MED24: variants seen among roughly 807,000 people sequenced by gnomAD.
MED24 encodes mediator complex subunit 24, also known as mediator of RNA polymerase II transcription subunit 24.
In MED24, 74 loss-of-function variants were observed where a neutral mutation model predicts 118.8. That is an observed-to-expected ratio of 0.62 (90% CI 0.52 to 0.76). The LOEUF is 0.76. MED24 is among the 30% of genes least tolerant of loss of function. The pLI is 0.00. For synonymous variants in MED24, 521 were observed against 523.9 expected, an observed-to-expected ratio of 0.99 and a Z score of 0.08; for missense variants, 1,041 against 1,278.9, an observed-to-expected ratio of 0.81 and a Z score of 2.84.
intron 3 of MED24, 62 bp downstream of exon 3, chr17:40,053,236 G>A: frequency 6.8e-7 from 1 of 1,462,424 alleles, no homozygotes; most frequent in Non-Finnish European, 9.3e-7. Context: ...GGGCCCAAAT[G>A]CACTCCAAGT....
At chr17:40,047,841 T>C (rs1322787536) in intron 3 of MED24, among the ~76,000 whole-genome samples, 1 of 152,016 alleles carries the variant, frequency 6.6e-6, no homozygotes, top group Non-Finnish European at 1.5e-5. Context: ...GCAATTCTCC[T>C]GCTTCAGCCT....
At chr17:40,031,925 T>C in intron 10 of MED24, 118 bp downstream of exon 10, 1 of 1,173,256 alleles carries the variant, frequency 8.5e-7, no homozygotes, top group Admixed American at 2.2e-5. Flanking sequence ...CACGCTGAGG[T>C]GTACACTCAC....
intron 3 of MED24, among the ~76,000 whole-genome samples, chr17:40,046,091 T>C (rs1985153399): frequency 7.1e-6 from 1 of 140,964 alleles, no homozygotes. Flanking sequence ...AAAAAAATTT[T>C]TTTTTTTTTT....
rs1982077836 is a variant in MED24 at position 40,022,032 on chromosome 17, AG to A, written c.2545del (p.Leu849TrpfsTer9). On this transcript the variant is annotated frameshift_variant, in exon 23 of 26. Transcript: ENST00000394128. LOFTEE classifies it high-confidence loss of function. Reference sequence around the variant, plus strand: ...CAACTTCGAAGGCTGCACATCGTCCAGGGGGAAGAGGCTGATATAATCCTAG... The same window carrying A: ...CAACTTCGAAGGCTGCACATCGTCCAGGGGAAGAGGCTGATATAATCCTAG... ...DIEDYISLFP[L>X]DDVQPSKLMR... is the part of the protein sequence containing the mutation. 1 of 1,610,716 alleles carries A rather than the reference AG, an allele frequency of 6.2e-7. No individual in the cohort carries two copies. The highest frequency in any genetic ancestry group is 2.2e-5 in the East Asian group (1 of 44,778).
intron 23 of MED24, 82 bp from the exon 24 acceptor site, chr17:40,020,435 C>T (rs549725136): frequency 6.5e-7 from 1 of 1,549,394 alleles, no homozygotes; most frequent in Non-Finnish European, 8.7e-7. Context: ...CCCAACCCGA[C>T]CTTCACCCAT....
chr17:40,036,001 C>A, intron 4 of MED24, 115 bp downstream of exon 4: 1 of 1,275,338 alleles, frequency 7.8e-7, no homozygotes. Flanking sequence ...GCAATGCCAG[C>A]CAGAGGCATC....
chr17:40,030,999 T>C (rs1346618782), intron 12 of MED24, among the ~76,000 whole-genome samples, 160 bp downstream of exon 12: 1 of 152,200 alleles, frequency 6.6e-6, no homozygotes, highest in Non-Finnish European at 1.5e-5. Context: ...TGAAGACATC[T>C]GTGCTTTCTT....
chr17:40,031,237 C>A lies in MED24; in HGVS notation c.1076G>T (p.Cys359Phe). Residue 359 changes from cysteine (C) to phenylalanine (F), a missense_variant, in exon 12 of 26, where the codon TGT (cysteine) becomes TTT (phenylalanine). By Grantham distance (205) the Cys-to-Phe change is radical (BLOSUM62 -2). Around this residue, in one of 3 missense-constraint regions of MED24, gnomAD observed 434 missense variants for 514.9 expected, o/e 0.84. Transcript: ENST00000394128. ...ACATTCTTGGAGCAGGAAGTTTGTA[C>A]AGTCACAGCTGTGAGGGAGAAAGAT... is the stretch of plus-strand genomic sequence containing the variant. ...DKADQRCNCD[C>F]TNFLLQECGK... 6.4e-7 allele frequency: 1 copy of A among 1,565,762 alleles called. No homozygotes were observed. Among genetic ancestry groups the A allele is most frequent in the Non-Finnish European group, 8.7e-7 (1 of 1,154,092 alleles).
chr17:40,052,692 C>G (rs541720727), intron 3 of MED24, among the ~76,000 whole-genome samples: 6 of 152,248 alleles, frequency 3.9e-5, no homozygotes, highest in Admixed American at 3.9e-4. Context: ...GCCTCAAACT[C>G]CTGGGCTCAA....
intron 6 of MED24, chr17:40,034,860 C>T: frequency 4.9e-6 from 1 of 204,966 alleles, no homozygotes. Flanking sequence ...AGCCCCCCAC[C>T]CCCCACCCCC....
Position 40,027,629 on chromosome 17 carries a change from T to A in MED24, c.1448-164A>T, listed in dbSNP as rs898754915. 1.3e-4 allele frequency: 92 copies of A among 720,594 alleles called. 2 individuals carry two copies. The highest frequency in any genetic ancestry group is 4.8e-4 in the Middle Eastern group (2 of 4,138). 44.6% of individuals were successfully genotyped at this position (720,594 alleles called of 1,614,324 possible). A position where few individuals can be genotyped will look rare whatever the true frequency, so the allele number is the denominator to read the frequency against. Reference sequence around the variant, plus strand: ...TTCTTGAGTCTCAACTGGAACATCATCCCTTCCTTGAGACCAAAGACCCCC... The same window carrying A: ...TTCTTGAGTCTCAACTGGAACATCAACCCTTCCTTGAGACCAAAGACCCCC... On this transcript the variant is annotated intron_variant, in intron 15 of 25. Coordinates refer to ENST00000394128, the MANE Select transcript of MED24 (RefSeq NM_014815.4).
At chr17:40,031,395 G>C (rs1284934224) in intron 11 of MED24, 143 bp downstream of exon 11, 9 of 1,194,988 alleles carry the variant, frequency 7.5e-6, no homozygotes, top group Non-Finnish European at 6.1e-6. Context: ...TGGGGACTTG[G>C]CAACTGTGGG....
chr17:40,023,409 G>C lies in MED24; in HGVS notation c.1986-14C>G, dbSNP rs775569702. 4.5e-6 allele frequency: 7 copies of C among 1,568,916 alleles called. No individual in the cohort carries two copies. The highest frequency in any genetic ancestry group is 1.3e-5 in the African/African-American group (1 of 74,212). Reference sequence around the variant, plus strand: ...ATGATCACCACCCTGGGGGAGGGCCGAGAGAACCTGAGGCTCAGGTGCCAC... The same window carrying C: ...ATGATCACCACCCTGGGGGAGGGCCCAGAGAACCTGAGGCTCAGGTGCCAC... On this transcript the variant is annotated splice_polypyrimidine_tract_variant and intron_variant, in intron 19 of 25. Transcript: ENST00000394128.
intron 19 of MED24, among the ~76,000 whole-genome samples, chr17:40,024,958 A>T (rs565790552): frequency 1.3e-5 from 2 of 151,682 alleles, no homozygotes; most frequent in Non-Finnish European, 2.9e-5. Flanking sequence ...CTGGCCTTAA[A>T]CTCCTGACCT....
intron 3 of MED24, among the ~76,000 whole-genome samples, chr17:40,042,852 C>A (rs921400175): frequency 6.0e-4 from 91 of 152,276 alleles, no homozygotes; most frequent in African/African-American, 2.1e-3. Flanking sequence ...CATCCTCATA[C>A]CACAATAAAT....
At position 40,040,529 on chromosome 17, in the gene MED24, AAG is replaced by A. The variant is rs1415064413; in HGVS notation, c.214-4377_214-4376del. ...CTGGCCTAGATTCTTCTATTTTTAA[AAG>A]AGTTTCCTATAGACCCCACACTTCC... On this transcript the variant is annotated intron_variant, in intron 3 of 25. Coordinates refer to ENST00000394128, the MANE Select transcript of MED24 (RefSeq NM_014815.4). Among the ~76,000 whole-genome samples the A allele has an allele frequency of 8.5e-5, 13 of 152,078 alleles. No homozygotes were observed. In the East Asian group the frequency reaches 1.7e-3, roughly 20 times the overall value.
At chr17:40,028,763 C>A in intron 14 of MED24, 63 bp downstream of exon 14, 1 of 1,593,004 alleles carries the variant, frequency 6.3e-7, no homozygotes, top group Non-Finnish European at 8.5e-7. Flanking sequence ...TCCTACCCTG[C>A]TACCTCCTCC....
At chr17:40,027,340 C>A in intron 16 of MED24, 43 bp downstream of exon 16, 1 of 1,582,918 alleles carries the variant, frequency 6.3e-7, no homozygotes, top group East Asian at 2.3e-5. Flanking sequence ...TCCGGGTTAC[C>A]TCCTTCCCTT....
intron 3 of MED24, among the ~76,000 whole-genome samples, chr17:40,052,065 C>T (rs929172243): frequency 5.3e-5 from 8 of 151,730 alleles, no homozygotes; most frequent in African/African-American, 9.7e-5. Flanking sequence ...GAGGCCAAGG[C>T]GGGCGGATCA....
Sources: allele counts gnomAD v4.1 joint callset (sites outside exome capture counted in the v4.1 genomes callset), GRCh38; gene constraint gnomAD v4.1.1; regional missense constraint gnomAD v4.1.1; transcripts MANE v1.5; gene names NCBI Gene and HGNC (gene_info 2026-07-23, HGNC 2026-07-21).